Variants in TET1 observed in about 807,000 individuals in gnomAD.
TET1 encodes the protein tet methylcytosine dioxygenase 1.
In TET1, 13 loss-of-function variants were observed where a neutral mutation model predicts 148.7. The observed-to-expected ratio is 0.09, with a 90% CI of 0.06 to 0.14. TET1 has a LOEUF of 0.14. Ranked by LOEUF, TET1 falls within the 10% of genes least tolerant of loss-of-function variation. The pLI is 1.00. For synonymous variants in TET1, 907 were observed against 937.2 expected, an observed-to-expected ratio of 0.97 and a Z score of 0.59; for missense variants, 2,182 against 2,553.8, an observed-to-expected ratio of 0.85 and a Z score of 3.14.
chr10:68,677,215 C>T (rs747901836), intron 8 of TET1, among the ~76,000 whole-genome samples: 38 of 152,180 alleles, frequency 2.5e-4, no homozygotes, highest in Admixed American at 7.2e-4. Flanking sequence ...CCTTCTCCAC[C>T]GCAAGAATGC....
In TET1 at chr10:68,646,757, A is replaced by T. The variant is rs754471169; in HGVS notation, c.4028A>T (p.Glu1343Val). 12 of 1,613,992 alleles carry T rather than the reference A, an allele frequency of 7.4e-6. No homozygotes were observed. The highest frequency in any genetic ancestry group is 1.0e-5 in the Non-Finnish European group (12 of 1,180,020). ...CCAACATTGCCTGGTATCTCTCATG[A>T]AACACCCTTACCGGAGTCAGCACTA... is the stretch of plus-strand genomic sequence containing the variant. ...RLPTLPGISH[E>V]TPLPESALTL... is the part of the protein sequence containing the mutation. Residue 1343 changes from glutamate to valine, a missense_variant, in exon 4 of 12, where the codon GAA (glutamate) becomes GTA (valine). Physicochemically the swap from Glu to Val is moderately radical, Grantham distance 121 (BLOSUM62 -2). Coordinates refer to ENST00000373644, the MANE Select transcript of TET1 (RefSeq NM_030625.3).
intron 3 of TET1, among the ~76,000 whole-genome samples, chr10:68,601,895 GTTTTAC>G (rs2054060465): frequency 6.7e-6 from 1 of 149,192 alleles, no homozygotes; most frequent in Non-Finnish European, 1.5e-5. Context: ...ATTTAAAATA[GTTTTAC>G]CTAATCCTAG....
Position 68,646,805 on chromosome 10 carries a change from T to A in TET1, c.4076T>A (p.Val1359Glu), listed in dbSNP as rs775612872. The A allele has an allele frequency of 1.9e-5, 30 of 1,614,182 alleles. No homozygotes were observed. Among genetic ancestry groups the A allele is most frequent in the Non-Finnish European group, 2.5e-5 (29 of 1,180,044 alleles). The change falls in exon 4 of 12, where the codon GTG becomes GAG. Residue 1359 changes from valine (V) to glutamate (E), a missense_variant. Val to Glu is a moderately radical substitution (Grantham distance 121, BLOSUM62 -2). This residue lies in a region of TET1 where 169 missense variants were observed against 263.7 expected (regional missense o/e 0.64). Coordinates refer to ENST00000373644, the MANE Select transcript of TET1 (RefSeq NM_030625.3). Reference sequence around the variant, plus strand: ...CTAACTCTCAGGAATGTAAATGTAGTGTGTTCAGGTGGAATTACAGTGGTT... The same window carrying A: ...CTAACTCTCAGGAATGTAAATGTAGAGTGTTCAGGTGGAATTACAGTGGTT... Reference protein sequence around the residue: ...SALTLRNVNVVCSGGITVVST... With the variant: ...SALTLRNVNVECSGGITVVST...
At position 68,632,475 on chromosome 10, in the gene TET1, G is replaced by C. The variant is rs931629307; in HGVS notation, c.1969-12223G>C. The stretch of plus-strand genomic sequence containing the variant: ...CTCCCTGCGCCCGGCATTCAATATT[G>C]TATGGTTCATTAGGATCTGTTGTGG... On this transcript the variant is annotated intron_variant, in intron 3 of 11. Transcript: ENST00000373644. 4 of 1,612,686 alleles carry C rather than the reference G, an allele frequency of 2.5e-6. No homozygotes were observed. The African/African-American group carries it at 4.0e-5, about 16-fold the overall frequency.
At position 68,576,983 on chromosome 10, in the gene TET1, A is replaced by ACTGCAAGCTCTGCCTCC. The variant is rs1407015863; in HGVS notation, c.1914+2732_1914+2748dup. 1.0e-3 allele frequency among the ~76,000 whole-genome samples: 152 copies of ACTGCAAGCTCTGCCTCC among 151,652 alleles called. No individual in the cohort carries two copies. The South Asian group carries it at 0.019, about 19-fold the overall frequency. The stretch of plus-strand genomic sequence containing the variant: ...GAGTGCAGTGGCGCGATCTCGGCTC[A>ACTGCAAGCTCTGCCTCC]CTGCAAGCTCTGCCTCCTGGGTTCA... On this transcript the variant is annotated intron_variant, in intron 2 of 11. Coordinates refer to ENST00000373644, the MANE Select transcript of TET1 (RefSeq NM_030625.3).
At chr10:68,567,650 C>T (rs781655714) in intron 1 of TET1, among the ~76,000 whole-genome samples, 6 of 151,250 alleles carry the variant, frequency 4.0e-5, no homozygotes, top group African/African-American at 7.3e-5. Context: ...GAGGCTGAGG[C>T]GGGTAGATCA....
intron 10 of TET1, among the ~76,000 whole-genome samples, chr10:68,685,202 T>A (rs2055493068): frequency 6.6e-6 from 1 of 152,114 alleles, no homozygotes; most frequent in African/African-American, 2.4e-5. Context: ...CTGAAACATA[T>A]ATTTATATTT....
At position 68,608,526 on chromosome 10, in the gene TET1, C is replaced by T. The variant is rs571905894; in HGVS notation, c.1968+7492C>T. On this transcript the variant is annotated intron_variant, in intron 3 of 11. Coordinates refer to ENST00000373644, the MANE Select transcript of TET1 (RefSeq NM_030625.3). ...CTGGGATTATAGGCGTGAGCCACCG[C>T]GCCAGGCCTATTATTTATTTATTTT... Among the ~76,000 whole-genome samples, 13 of 152,032 alleles carry T rather than the reference C, an allele frequency of 8.6e-5. No homozygotes were observed. In the East Asian group the frequency reaches 1.2e-3, roughly 14 times the overall value.
chr10:68,667,155 C>T lies in TET1; in HGVS notation c.4572C>T (p.Gly1524=). 6.2e-7 allele frequency: 1 copy of T among 1,614,084 alleles called. No homozygotes were observed. Among genetic ancestry groups the T allele is most frequent in the Middle Eastern group, 1.7e-4 (1 of 6,060 alleles). ...TGGTGCTCATCATGGTGTGGGATGG[C>T]ATCCCTCTTCCAATGGCCGACCGGC... ...VMVVLIMVWD[G]IPLPMADRLY... The change falls in exon 7 of 12, where the codon GGC becomes GGT. Residue 1524 remains glycine, a synonymous_variant. Coordinates refer to ENST00000373644, the MANE Select transcript of TET1 (RefSeq NM_030625.3).
At position 68,644,992 on chromosome 10, in the gene TET1, A is replaced by G; in HGVS notation, c.2263A>G (p.Thr755Ala). Residue 755 changes from threonine to alanine, a missense_variant, in exon 4 of 12, where the codon ACC becomes GCC. Physicochemically the swap from Thr to Ala is moderately conservative, Grantham distance 58. This residue lies in a region of TET1 where 226 missense variants were observed against 307.4 expected (regional missense o/e 0.74). Coordinates refer to ENST00000373644, the MANE Select transcript of TET1 (RefSeq NM_030625.3). ...CAAATCTCCAAAATTGTTTGTACAA[A>G]CCGTAAGAAATGGCATTAAACATGT... The part of the protein sequence containing the change: ...RTKSPKLFVQ[T>A]VRNGIKHVHC... The G allele has an allele frequency of 6.2e-7, 1 of 1,613,746 alleles. No individual in the cohort carries two copies. Among genetic ancestry groups the G allele is most frequent in the South Asian group, 1.1e-5 (1 of 90,990 alleles).
intron 10 of TET1, among the ~76,000 whole-genome samples, chr10:68,685,081 C>G (rs1034421269): frequency 6.6e-6 from 1 of 151,724 alleles, no homozygotes; most frequent in Admixed American, 6.6e-5. Context: ...TTTGTGAGAC[C>G]CTGTCTCTAC....
At chr10:68,654,437 G>A (rs943046464) in intron 6 of TET1, among the ~76,000 whole-genome samples, 14 of 152,026 alleles carry the variant, frequency 9.2e-5, no homozygotes, top group Admixed American at 5.9e-4. Context: ...CTAACATGGT[G>A]AAACCCCGTC....
chr10:68,621,207 G>A (rs1020094865), intron 3 of TET1, among the ~76,000 whole-genome samples: 1 of 152,136 alleles, frequency 6.6e-6, no homozygotes, highest in Non-Finnish European at 1.5e-5. Context: ...AAGCCAAGGT[G>A]GGAGGATTGC....
chr10:68,560,446 C>T lies in TET1; in HGVS notation c.-419C>T, dbSNP rs977079633. On this transcript the variant is annotated 5_prime_UTR_variant, in exon 1 of 12. Transcript: ENST00000373644. ...CGCTTTGTGCGCGCAGCCGCTGGCC[C>T]CTCTACTCCCGGGTCTGCCCCCCGG... 1.9e-4 allele frequency among the ~76,000 whole-genome samples: 29 copies of T among 152,340 alleles called. No homozygotes were observed. Among genetic ancestry groups the T allele is most frequent in the African/African-American group, 6.7e-4 (28 of 41,588 alleles).
Position 68,624,646 on chromosome 10 carries a change from TTCTTTCTTTCTTTCTCTCTCTC to T in TET1, c.1969-20048_1969-20027del, listed in dbSNP as rs1167142118. ...TTTCTTTCTTTCTTTCTTTCTTTCT[TTCTTTCTTTCTTTCTCTCTCTC>T]TCTCTCTCTCTCTCTCTCTCTCTCT... On this transcript the variant is annotated intron_variant, in intron 3 of 11. Coordinates refer to ENST00000373644, the MANE Select transcript of TET1 (RefSeq NM_030625.3). Among the ~76,000 whole-genome samples the T allele has an allele frequency of 4.1e-4, 22 of 54,058 alleles. 1 individual carries two copies. The highest frequency in any genetic ancestry group is 2.0e-3 in the African/African-American group (17 of 8,414). 35.5% of individuals were successfully genotyped at this position (54,058 alleles called of 152,430 possible). A position where few individuals can be genotyped will look rare whatever the true frequency, so the allele number is the denominator to read the frequency against.
At chr10:68,583,896 ACT>A (rs1215251647) in intron 2 of TET1, among the ~76,000 whole-genome samples, 2 of 151,334 alleles carry the variant, frequency 1.3e-5, no homozygotes, top group South Asian at 2.1e-4. Context: ...GGCGACAGAG[ACT>A]CTGTCTCCAA....
intron 10 of TET1, among the ~76,000 whole-genome samples, chr10:68,683,435 C>T (rs1205648082): frequency 4.6e-5 from 7 of 152,168 alleles, no homozygotes; most frequent in African/African-American, 7.2e-5. Flanking sequence ...CCCACGACCA[C>T]ACCCGGATAA....
chr10:68,687,924 TTTTGGGG>T (rs1436608245), intron 11 of TET1, among the ~76,000 whole-genome samples: 4 of 151,888 alleles, frequency 2.6e-5, no homozygotes, highest in African/African-American at 4.8e-5. Flanking sequence ...GGGTTTTGGG[TTTTGGGG>T]TTTTTTTTAA....
intron 2 of TET1, among the ~76,000 whole-genome samples, chr10:68,580,866 G>A (rs927523611): frequency 1.3e-5 from 2 of 150,868 alleles, no homozygotes; most frequent in Admixed American, 6.6e-5. Flanking sequence ...AACTACTCAG[G>A]AGGCTGAGGT....
Sources: gnomAD v4.1 joint callset for allele counts (sites outside exome capture counted in the v4.1 genomes callset) on GRCh38, gnomAD v4.1.1 for gene constraint, gnomAD v4.1.1 regional missense constraint, MANE v1.5 for transcripts, NCBI Gene and HGNC (gene_info 2026-07-23, HGNC 2026-07-21) for gene names.